Variants in MAP2K6 observed in about 807,000 individuals in gnomAD.
MAP2K6 encodes the protein dual specificity mitogen-activated protein kinase kinase 6.
In MAP2K6, 16 loss-of-function variants were observed where a neutral mutation model predicts 53.7. That is an observed-to-expected ratio of 0.30 (90% CI 0.20 to 0.45). The LOEUF (loss-of-function observed/expected upper bound fraction) is 0.45, where lower values mean the gene tolerates loss of function less well. Among genes scored for constraint, MAP2K6 ranks in the 20% least tolerant of loss-of-function variants. The pLI is 1.00. For synonymous variants in MAP2K6, 132 were observed against 143.1 expected, an observed-to-expected ratio of 0.92 and a Z score of 0.55; for missense variants, 204 against 411.9, an observed-to-expected ratio of 0.50 and a Z score of 4.37.
intron 1 of MAP2K6, among the ~76,000 whole-genome samples, chr17:69,481,587 A>G (rs937935205): frequency 2.0e-5 from 3 of 152,156 alleles, no homozygotes; most frequent in Non-Finnish European, 4.4e-5. Flanking sequence ...CAGGCTAGGC[A>G]TCTGAGATCA....
At chr17:69,439,117 A>G (rs1366962521) in intron 1 of MAP2K6, among the ~76,000 whole-genome samples, 1 of 152,238 alleles carries the variant, frequency 6.6e-6, no homozygotes, top group Admixed American at 6.5e-5. Context: ...TTTGCTGGTT[A>G]TCATTCATAA....
chr17:69,456,037 T>G (rs1035641060), intron 1 of MAP2K6, among the ~76,000 whole-genome samples: 1 of 152,166 alleles, frequency 6.6e-6, no homozygotes, highest in East Asian at 1.9e-4. Flanking sequence ...ATTTTTGTAT[T>G]TTTAATAGAG....
intron 1 of MAP2K6, 93 bp from the exon 2 acceptor site, chr17:69,505,687 G>T (rs753161160): frequency 2.4e-5 from 23 of 959,200 alleles, no homozygotes; most frequent in Admixed American, 3.4e-5. Context: ...AGAGCTGCCT[G>T]TGCAGGTCAG....
At chr17:69,525,838 A>G (rs1910744068) in intron 9 of MAP2K6, among the ~76,000 whole-genome samples, 1 of 152,228 alleles carries the variant, frequency 6.6e-6, no homozygotes, top group Non-Finnish European at 1.5e-5. Flanking sequence ...AGTCAGGTAT[A>G]TCCTCAATAC....
intron 1 of MAP2K6, among the ~76,000 whole-genome samples, chr17:69,449,771 G>T (rs1434801011): frequency 6.8e-6 from 1 of 147,356 alleles, no homozygotes; most frequent in South Asian, 2.2e-4. Flanking sequence ...CCGCCACCTC[G>T]CCCGGCTAAT....
At position 69,550,760 on chromosome 17, in the gene MAP2K6, C is replaced by A. The variant is rs917641589; in HGVS notation, c.*9007C>A. 6.6e-6 allele frequency: 1 copy of A among 152,076 alleles called. No homozygotes were observed. Among genetic ancestry groups the A allele is most frequent in the African/African-American group, 2.4e-5 (1 of 41,406 alleles). The allele number at this position is 152,076 out of a possible 1,614,324, so 9.4% of individuals were successfully genotyped here. A position where few individuals can be genotyped will look rare whatever the true frequency, so the allele number is the denominator to read the frequency against. Reference sequence around the variant, plus strand: ...ATCTGAACCTCTGTCAACCTCCAGTCAGAATATCTGGCTTCTAGTATTGTT... The same window carrying A: ...ATCTGAACCTCTGTCAACCTCCAGTAAGAATATCTGGCTTCTAGTATTGTT... On this transcript the variant is annotated 3_prime_UTR_variant, in exon 12 of 12. Transcript: ENST00000590474.
intron 1 of MAP2K6, among the ~76,000 whole-genome samples, chr17:69,436,945 C>T (rs558976255): frequency 4.5e-4 from 68 of 152,070 alleles, no homozygotes; most frequent in Non-Finnish European, 7.8e-4. Context: ...CTGCCTCAGC[C>T]TCCCAAGTAG....
At chr17:69,420,216 T>A (rs1240017644) in intron 1 of MAP2K6, among the ~76,000 whole-genome samples, 1 of 152,232 alleles carries the variant, frequency 6.6e-6, no homozygotes, top group Non-Finnish European at 1.5e-5. Flanking sequence ...TTTTGGGCAT[T>A]CCTGCATTTT....
intron 5 of MAP2K6, 176 bp downstream of exon 5, chr17:69,519,608 T>A: frequency 1.5e-6 from 1 of 663,218 alleles, no homozygotes; most frequent in Non-Finnish European, 2.4e-6. Flanking sequence ...ATTGAAATTA[T>A]GGTATTTTCA....
intron 10 of MAP2K6, among the ~76,000 whole-genome samples, chr17:69,527,345 A>T (rs1018108502): frequency 2.0e-5 from 3 of 152,200 alleles, no homozygotes; most frequent in Admixed American, 6.5e-5. Flanking sequence ...AAACTTGCCC[A>T]CCATAAGAGA....
At chr17:69,471,026 C>T (rs891416517) in intron 1 of MAP2K6, among the ~76,000 whole-genome samples, 2 of 152,130 alleles carry the variant, frequency 1.3e-5, no homozygotes, top group African/African-American at 2.4e-5. Flanking sequence ...TACCTGCACA[C>T]AGGAAGAGCT....
rs78984359 is a variant in MAP2K6, at chr17:69,441,599, C to T, written c.16+26599C>T. Among the ~76,000 whole-genome samples the T allele has an allele frequency of 3.5e-4, 53 of 152,246 alleles. No individual in the cohort carries two copies. In the East Asian group the frequency reaches 8.1e-3, roughly 23 times the overall value. On this transcript the variant is annotated intron_variant, in intron 1 of 11. Transcript: ENST00000590474. Reference sequence around the variant, plus strand: ...TGTCAGGAAATTCTCACTTCTGTGTCGTTTCAATATTGATTGTTTTTCTTA... The same window carrying T: ...TGTCAGGAAATTCTCACTTCTGTGTTGTTTCAATATTGATTGTTTTTCTTA...
intron 7 of MAP2K6, 125 bp downstream of exon 7, chr17:69,521,225 G>T (rs1910449810): frequency 2.7e-6 from 2 of 731,994 alleles, no homozygotes; most frequent in Admixed American, 2.6e-5. Flanking sequence ...AGAACTAAGG[G>T]GCTTTCCTTT....
intron 1 of MAP2K6, among the ~76,000 whole-genome samples, chr17:69,440,369 T>C (rs1906777678): frequency 6.6e-6 from 1 of 152,124 alleles, no homozygotes; most frequent in Non-Finnish European, 1.5e-5. Context: ...CCTCTGTACT[T>C]TCCAATCAGT....
At chr17:69,521,806 C>CAAAAAAAAA (rs71293537) in intron 7 of MAP2K6, 5 of 79,336 alleles carry the variant, frequency 6.3e-5, no homozygotes, top group African/African-American at 1.9e-4. Flanking sequence ...GATAAATGTA[C>CAAAAAAAAA]AAAAAAAAAA....
chr17:69,483,171 CACAAACAGATCTCTGTTTGTAGATAGA>C (rs376976788), intron 1 of MAP2K6, among the ~76,000 whole-genome samples: 1 of 152,026 alleles, frequency 6.6e-6, no homozygotes, highest in Non-Finnish European at 1.5e-5. Flanking sequence ...TTGTAGATAA[CACAAACAGATCTCTGTTTGTAGATAGA>C]AAATTCTAAG....
chr17:69,479,831 C>T (rs1908286392), intron 1 of MAP2K6, among the ~76,000 whole-genome samples: 1 of 151,824 alleles, frequency 6.6e-6, no homozygotes, highest in South Asian at 2.1e-4. Context: ...CTCCTGCCTC[C>T]AAGCAATTCT....
At chr17:69,472,259 T>G in intron 1 of MAP2K6, among the ~76,000 whole-genome samples, 1 of 152,136 alleles carries the variant, frequency 6.6e-6, no homozygotes, top group Non-Finnish European at 1.5e-5. Context: ...GCCGCACATG[T>G]ACCCCCGAAT....
chr17:69,504,185 G>A (rs879854766), intron 1 of MAP2K6, among the ~76,000 whole-genome samples: 3 of 152,100 alleles, frequency 2.0e-5, no homozygotes, highest in Non-Finnish European at 4.4e-5. Context: ...GCAGCTTCAG[G>A]ATCTATCCAG....
Sources: gnomAD v4.1 joint callset for allele counts (sites outside exome capture counted in the v4.1 genomes callset) on GRCh38, gnomAD v4.1.1 for gene constraint, MANE v1.5 for transcripts, NCBI Gene and HGNC (gene_info 2026-07-23, HGNC 2026-07-21) for gene names.